Variants in STRN observed in about 807,000 individuals in gnomAD.
STRN encodes striatin.
STRN carries 53 observed loss-of-function variants against 96.3 expected under a neutral mutation model. The ratio of observed to expected loss-of-function variants is 0.55; its 90% CI spans 0.44 to 0.69. The LOEUF is 0.69. STRN is among the 30% of genes least tolerant of loss of function. The pLI is 0.00. For missense variants in STRN, 987 were observed against 963.9 expected, an observed-to-expected ratio of 1.02 and a Z score of -0.32; for synonymous variants, 428 against 355.9, an observed-to-expected ratio of 1.20 and a Z score of -2.28.
intron 6 of STRN, among the ~76,000 whole-genome samples, chr2:36,898,503 C>G (rs2691113): frequency 0.95 from 145,131 of 152,310 alleles, 69,524 homozygotes; most frequent in East Asian, 1. Flanking sequence ...GATGGAGCCT[C>G]AGAAGCAGAA....
At chr2:36,863,510 A>G (rs1007133908) in intron 12 of STRN, among the ~76,000 whole-genome samples, 1 of 151,968 alleles carries the variant, frequency 6.6e-6, no homozygotes, top group Admixed American at 6.6e-5. Flanking sequence ...TGGGCTCTCT[A>G]TTCTGTTTCA....
chr2:36,886,763 A>T lies in STRN; in HGVS notation c.995T>A (p.Leu332His), dbSNP rs1467114404. 6.2e-7 allele frequency: 1 copy of T among 1,613,190 alleles called. No individual in the cohort carries two copies. Among genetic ancestry groups the T allele is most frequent in the Non-Finnish European group, 8.5e-7 (1 of 1,179,702 alleles). ...WNVDQGVITK[L>H]KEQYKKERKG... is the part of the protein sequence containing the mutation. ...TCTCTCCTTTTTGTATTGTTCCTTG[A>T]GTTTGGTAATTACTCCCTGGTCCAC... Residue 332 changes from leucine (L) to histidine (H), a missense_variant, in exon 8 of 18, where the codon CTC becomes CAC. By Grantham distance (99) the Leu-to-His change is moderately conservative. Transcript: ENST00000263918.
rs116351115 is a variant in STRN at position 36,911,584 on chromosome 2, G to A, written c.412+4494C>T. On this transcript the variant is annotated intron_variant, in intron 3 of 17. Coordinates refer to ENST00000263918, the MANE Select transcript of STRN (RefSeq NM_003162.4). The stretch of plus-strand genomic sequence containing the variant: ...GCAAAACCCAAAATATTTACTATCC[G>A]GCCCTTTACAGAAAAAGTTTGCTGA... Among the ~76,000 whole-genome samples the A allele has an allele frequency of 6.1e-3, 931 of 152,114 alleles. 6 individuals are homozygous for A. Among genetic ancestry groups the A allele is most frequent in the Non-Finnish European group, 0.01 (709 of 68,000 alleles).
intron 1 of STRN, among the ~76,000 whole-genome samples, chr2:36,943,858 TA>T (rs766648316): frequency 3.9e-5 from 6 of 152,188 alleles, no homozygotes; most frequent in Admixed American, 6.5e-5. Flanking sequence ...GGCTCACACC[TA>T]TAATCCTAGC....
At chr2:36,912,289 G>A (rs1312648453) in intron 3 of STRN, among the ~76,000 whole-genome samples, 1 of 152,122 alleles carries the variant, frequency 6.6e-6, no homozygotes, top group African/African-American at 2.4e-5. Flanking sequence ...GACCCCATGT[G>A]TCCTTCCAGC....
intron 2 of STRN, among the ~76,000 whole-genome samples, chr2:36,916,489 A>G (rs915275838): frequency 4.6e-5 from 7 of 151,958 alleles, no homozygotes; most frequent in Admixed American, 1.3e-4. Flanking sequence ...TTACTATCAA[A>G]AACAGTTAAA....
In STRN at chr2:36,845,539, T is replaced by A. The variant is rs1236288530; in HGVS notation, c.*3917A>T. On this transcript the variant is annotated 3_prime_UTR_variant, in exon 18 of 18. Coordinates refer to ENST00000263918, the MANE Select transcript of STRN (RefSeq NM_003162.4). ...TAAAAATATTTACTAGTTGAATCTTTACCACATAAGAACTTCATGACATGC... is the reference window on the plus strand; with the variant it reads ...TAAAAATATTTACTAGTTGAATCTTAACCACATAAGAACTTCATGACATGC... The A allele has an allele frequency of 6.6e-6, 1 of 152,176 alleles. No individual in the cohort carries two copies. The highest frequency in any genetic ancestry group is 2.4e-5 in the African/African-American group (1 of 41,446). 9.4% of individuals were successfully genotyped at this position (152,176 alleles called of 1,614,324 possible).
In STRN at chr2:36,891,897, G is replaced by GA. The variant is rs1224402535; in HGVS notation, c.931+2000dup. On this transcript the variant is annotated intron_variant, in intron 7 of 17. Coordinates refer to ENST00000263918, the MANE Select transcript of STRN (RefSeq NM_003162.4). ...AGAATTTTTAAATGAATGAGAGAAGGAAAAGGTATCTTACTTTTTTTCATT... is the reference window on the plus strand; with the variant it reads ...AGAATTTTTAAATGAATGAGAGAAGGAAAAAGGTATCTTACTTTTTTTCATT... 3.3e-5 allele frequency among the ~76,000 whole-genome samples: 5 copies of GA among 152,222 alleles called. No individual in the cohort carries two copies. In the South Asian group the frequency reaches 1.0e-3, roughly 32 times the overall value.
intron 2 of STRN, among the ~76,000 whole-genome samples, chr2:36,924,826 G>A (rs1466179080): frequency 1.3e-5 from 2 of 152,188 alleles, no homozygotes; most frequent in East Asian, 1.9e-4. Flanking sequence ...GGAGGCCGAG[G>A]TGGGCAGATC....
chr2:36,917,903 T>C (rs73924932), intron 2 of STRN, among the ~76,000 whole-genome samples: 14,811 of 152,150 alleles, frequency 0.097, 1,594 homozygotes, highest in African/African-American at 0.26. Context: ...ACTATGTATG[T>C]CTCCATACAT....
At chr2:36,867,616 A>C (rs1019184775) in intron 12 of STRN, 198 bp downstream of exon 12, 3 of 376,802 alleles carry the variant, frequency 8.0e-6, no homozygotes, top group African/African-American at 6.2e-5. Flanking sequence ...CCATGTAAAT[A>C]AAATCTAATT....
intron 9 of STRN, among the ~76,000 whole-genome samples, chr2:36,882,584 T>G (rs547732053): frequency 6.6e-6 from 1 of 152,100 alleles, no homozygotes; most frequent in African/African-American, 2.4e-5. Flanking sequence ...CTGAACAACA[T>G]GGCAAAACCA....
chr2:36,896,532 T>G (rs1669544298), intron 6 of STRN, among the ~76,000 whole-genome samples: 1 of 152,182 alleles, frequency 6.6e-6, no homozygotes, highest in Non-Finnish European at 1.5e-5. Flanking sequence ...TTCGATGAGC[T>G]TATAAATCAA....
chr2:36,901,132 C>T (rs1356228371), intron 5 of STRN, among the ~76,000 whole-genome samples: 2 of 152,158 alleles, frequency 1.3e-5, no homozygotes, highest in East Asian at 1.9e-4. Flanking sequence ...CTACTGAAAT[C>T]GGACAGATTA....
chr2:36,929,765 T>G (rs1271499853), intron 1 of STRN, among the ~76,000 whole-genome samples: 1 of 152,132 alleles, frequency 6.6e-6, no homozygotes, highest in South Asian at 2.1e-4. Context: ...AGAAGTAAAT[T>G]CAAAATGAAA....
chr2:36,917,235 G>C (rs1030668265), intron 2 of STRN, among the ~76,000 whole-genome samples: 7 of 151,360 alleles, frequency 4.6e-5, no homozygotes, highest in African/African-American at 1.7e-4. Flanking sequence ...TTTAAGAAAA[G>C]TAGTGGCTGG....
intron 3 of STRN, among the ~76,000 whole-genome samples, chr2:36,911,690 T>C (rs79445099): frequency 0.01 from 1,545 of 152,328 alleles, 41 homozygotes; most frequent in African/African-American, 0.036. Context: ...TCCTTCCCTC[T>C]GTAGTTTTAG....
chr2:36,938,150 G>C (rs370989277), intron 1 of STRN, among the ~76,000 whole-genome samples: 3 of 152,206 alleles, frequency 2.0e-5, no homozygotes, highest in African/African-American at 7.2e-5. Flanking sequence ...AATTGGCCAG[G>C]CGTGGTGGCT....
intron 10 of STRN, among the ~76,000 whole-genome samples, chr2:36,874,401 A>C (rs918607646): frequency 6.6e-6 from 1 of 152,132 alleles, no homozygotes; most frequent in African/African-American, 2.4e-5. Context: ...CAGAGGTCAC[A>C]GGAAGAAGAG....
Sources: gnomAD v4.1 joint callset for allele counts (sites outside exome capture counted in the v4.1 genomes callset) on GRCh38, gnomAD v4.1.1 for gene constraint, MANE v1.5 for transcripts, NCBI Gene and HGNC (gene_info 2026-07-23, HGNC 2026-07-21) for gene names.